The following ZW10 variants were observed in gnomAD, a reference collection of about 807,000 sequenced individuals.
ZW10 encodes zw10 kinetochore protein, also known as centromere/kinetochore protein zw10 homolog.
Under a neutral mutation model 87.8 loss-of-function variants are expected in ZW10, and 53 were observed. The observed-to-expected ratio is 0.60, with a 90% CI of 0.48 to 0.76. The LOEUF (loss-of-function observed/expected upper bound fraction) is 0.76. Among genes scored for constraint, ZW10 ranks in the 30% least tolerant of loss-of-function variants. The pLI is 0.00. For synonymous variants in ZW10, 312 were observed against 329.2 expected, an observed-to-expected ratio of 0.95 and a Z score of 0.57; for missense variants, 837 against 923.0, an observed-to-expected ratio of 0.91 and a Z score of 1.21.
intron 10 of ZW10, among the ~76,000 whole-genome samples, chr11:113,742,461 T>C (rs1023118690): frequency 8.5e-5 from 13 of 152,224 alleles, no homozygotes; most frequent in Admixed American, 1.3e-4. Flanking sequence ...TATTTGATTA[T>C]TATAATACCT....
At chr11:113,770,380 T>G (rs1953951003) in intron 1 of ZW10, 1 of 149,258 alleles carries the variant, frequency 6.7e-6, no homozygotes, top group Non-Finnish European at 1.5e-5. Flanking sequence ...TGAGCCATAG[T>G]GCCCAGCCTA....
chr11:113,757,948 G>A (rs1353161990), intron 6 of ZW10, 95 bp from the exon 7 acceptor site: 12 of 1,019,484 alleles, frequency 1.2e-5, no homozygotes, highest in African/African-American at 5.0e-5. Flanking sequence ...CACTTTGGGA[G>A]GCCGAGGCAG....
rs1450340274 is a variant in ZW10 at position 113,757,753 on chromosome 11, T to C, written c.834A>G (p.Glu278=). Residue 278 remains glutamate, a synonymous_variant, in exon 7 of 16, where the codon GAA becomes GAG. Coordinates refer to ENST00000200135, the MANE Select transcript of ZW10 (RefSeq NM_004724.4). The part of the protein sequence containing the change: ...SQPNIVIIRF[E]SIMTNLEYPS... ...GATATTCCAAGTTAGTCATTATAGA[T>C]TCAAAACGAATAATAACTATGTTAG... 2 of 1,613,840 alleles carry C rather than the reference T, an allele frequency of 1.2e-6. No homozygotes were observed. Among genetic ancestry groups the C allele is most frequent in the East Asian group, 2.2e-5 (1 of 44,860 alleles).
chr11:113,758,664 AAATG>A lies in ZW10; in HGVS notation c.619_622del (p.His207TyrfsTer42), dbSNP rs764437732. 1 of 1,614,120 alleles carries A rather than the reference AAATG, an allele frequency of 6.2e-7. No homozygotes were observed. The highest frequency in any genetic ancestry group is 8.5e-7 in the Non-Finnish European group (1 of 1,180,010). On this transcript the variant is annotated frameshift_variant, in exon 6 of 16. Transcript: ENST00000200135. LOFTEE classifies it high-confidence loss of function. Reference sequence around the variant, plus strand: ...CTCTTTGTGCGATTGTTCAGTGTATAAATGAAGTTCAGTTTGTAGGTAAGATTCC... The same window carrying A: ...CTCTTTGTGCGATTGTTCAGTGTATAAAGTTCAGTTTGTAGGTAAGATTCC...
intron 7 of ZW10, among the ~76,000 whole-genome samples, chr11:113,750,548 C>G (rs753315265): frequency 6.6e-6 from 1 of 152,202 alleles, no homozygotes; most frequent in Non-Finnish European, 1.5e-5. Context: ...AGGTGATCCA[C>G]CTGCCTTGGC....
At chr11:113,746,955 T>C (rs1333660256) in intron 9 of ZW10, among the ~76,000 whole-genome samples, 1 of 151,884 alleles carries the variant, frequency 6.6e-6, no homozygotes, top group Non-Finnish European at 1.5e-5. Context: ...AAGAGTGACA[T>C]AATCAATTGA....
In ZW10 at chr11:113,743,825, C is replaced by G. The variant is rs1278737153; in HGVS notation, c.1488G>C (p.Glu496Asp). The change falls in exon 10 of 16, where the codon GAG (glutamate) becomes GAC (aspartate). Residue 496 changes from glutamate (E) to aspartate (D), a missense_variant. Transcript: ENST00000200135. ...ACCATTGATCACTACTGGTTGTTGC[C>G]TCTAGTAAAGTCTGATAGGCGAGTT... ...LMELAYQTLL[E>D]ATTSSDQCAV... is the part of the protein sequence containing the mutation. 6.2e-7 allele frequency: 1 copy of G among 1,613,990 alleles called. No individual in the cohort carries two copies. The highest frequency in any genetic ancestry group is 8.5e-7 in the Non-Finnish European group (1 of 1,180,002).
intron 15 of ZW10, 33 bp from the exon 16 acceptor site, chr11:113,733,847 T>C: frequency 6.4e-7 from 1 of 1,566,536 alleles, no homozygotes; most frequent in Non-Finnish European, 8.6e-7. Flanking sequence ...CCATTTCCTA[T>C]TAGGTCTCTG....
chr11:113,770,045 C>T lies in ZW10; in HGVS notation c.106-1078G>A, dbSNP rs117039202. Reference sequence around the variant, plus strand: ...GGACTGGTTTGCTTTTTGGCATAAACCTTTTGAATTTTCTTTTTCATTGTT... The same window carrying T: ...GGACTGGTTTGCTTTTTGGCATAAATCTTTTGAATTTTCTTTTTCATTGTT... On this transcript the variant is annotated intron_variant, in intron 1 of 15. Coordinates refer to ENST00000200135, the MANE Select transcript of ZW10 (RefSeq NM_004724.4). The T allele has an allele frequency of 2.4e-5, 4 of 163,582 alleles. No homozygotes were observed. The East Asian group carries it at 5.8e-4, about 24-fold the overall frequency. The allele number at this position is 163,582 out of a possible 1,614,324, so 10.1% of individuals were successfully genotyped here. A position where few individuals can be genotyped will look rare whatever the true frequency, so the allele number is the denominator to read the frequency against.
rs950392449 is a variant in ZW10 at position 113,771,761 on chromosome 11, A to T, written c.105+1801T>A. 4 of 152,142 alleles carry T rather than the reference A, an allele frequency of 2.6e-5. 1 individual carries two copies. The Middle Eastern group carries it at 0.01, about 388-fold the overall frequency. The allele number at this position is 152,142 out of a possible 1,614,324, so 9.4% of individuals were successfully genotyped here. A position where few individuals can be genotyped will look rare whatever the true frequency, so the allele number is the denominator to read the frequency against. On this transcript the variant is annotated intron_variant, in intron 1 of 15. Coordinates refer to ENST00000200135, the MANE Select transcript of ZW10 (RefSeq NM_004724.4). Reference sequence around the variant, plus strand: ...CGGCTCACTGCAACCTCAACCTCCCAGGTTCAAACGATCCTCCTGCCTCAG... The same window carrying T: ...CGGCTCACTGCAACCTCAACCTCCCTGGTTCAAACGATCCTCCTGCCTCAG...
Position 113,760,263 on chromosome 11 carries a change from G to A in ZW10, c.526C>T (p.His176Tyr), listed in dbSNP as rs755407377. Residue 176 changes from histidine to tyrosine, a missense_variant, in exon 5 of 16, where the codon CAC becomes TAC. Coordinates refer to ENST00000200135, the MANE Select transcript of ZW10 (RefSeq NM_004724.4). ...LTIQKQNILY[H>Y]LGEEWQKLIV... is the part of the protein sequence containing the mutation. Reference sequence around the variant, plus strand: ...AGCTTCTGCCACTCTTCTCCAAGGTGATAAAGTATGTTCTGTTTCTGTATT... The same window carrying A: ...AGCTTCTGCCACTCTTCTCCAAGGTAATAAAGTATGTTCTGTTTCTGTATT... 2 of 1,614,132 alleles carry A rather than the reference G, an allele frequency of 1.2e-6. No homozygotes were observed. Among genetic ancestry groups the A allele is most frequent in the African/African-American group, 1.3e-5 (1 of 75,040 alleles).
intron 7 of ZW10, among the ~76,000 whole-genome samples, chr11:113,752,288 A>G (rs940571991): frequency 7.3e-5 from 11 of 151,206 alleles, no homozygotes; most frequent in African/African-American, 2.0e-4. Flanking sequence ...GTGTGTGTGT[A>G]TTTGCCAAAT....
At chr11:113,760,124 A>C (rs1215768191) in intron 5 of ZW10, 85 bp downstream of exon 5, 2 of 1,455,084 alleles carry the variant, frequency 1.4e-6, no homozygotes, top group Non-Finnish European at 1.9e-6. Context: ...ACCCTCATCT[A>C]CTAATACAAA....
chr11:113,733,214 AAAT>A lies in ZW10; in HGVS notation c.*477_*479del, dbSNP rs1469867883. ...GTAAAAAGCAATATTTATTGGAAAG[AAAT>A]ATTACAGGAAGTCTCCTTAATTCCT... On this transcript the variant is annotated 3_prime_UTR_variant, in exon 16 of 16. Coordinates refer to ENST00000200135, the MANE Select transcript of ZW10 (RefSeq NM_004724.4). 12 of 153,286 alleles carry A rather than the reference AAAT, an allele frequency of 7.8e-5. No homozygotes were observed. The highest frequency in any genetic ancestry group is 2.6e-4 in the Admixed American group (4 of 15,440). The allele number at this position is 153,286 out of a possible 1,614,324, so 9.5% of individuals were successfully genotyped here. A position where few individuals can be genotyped will look rare whatever the true frequency, so the allele number is the denominator to read the frequency against.
chr11:113,739,326 TAC>T lies in ZW10; in HGVS notation c.1638_1639del (p.Met546IlefsTer23). On this transcript the variant is annotated frameshift_variant, in exon 12 of 16. Transcript: ENST00000200135. LOFTEE classifies it high-confidence loss of function. ...GAGGGTCAGCAAGTGGTGAGCAATGTACATACAGTTGTTGTGATGAATAGCAG... is the reference window on the plus strand; with the variant it reads ...GAGGGTCAGCAAGTGGTGAGCAATGTATACAGTTGTTGTGATGAATAGCAG... 6.2e-7 allele frequency: 1 copy of T among 1,612,206 alleles called. No individual in the cohort carries two copies.
chr11:113,733,695 T>C lies in ZW10; in HGVS notation c.2339A>G (p.Ter780TrpextTer10), dbSNP rs1225518754. The C allele has an allele frequency of 6.2e-7, 1 of 1,614,064 alleles. No individual in the cohort carries two copies. Among genetic ancestry groups the C allele is most frequent in the Non-Finnish European group, 8.5e-7 (1 of 1,180,008 alleles). ...RRAAALAKIK[*>W] ...CATAGCTTTCTTAAGAAGATGGAGC[T>C]ATTTAATTTTAGCAAGGGCAGCTGC... Residue 780 changes from the stop codon to tryptophan (W), a stop_lost, in exon 16 of 16, where the codon TAG becomes TGG. Coordinates refer to ENST00000200135, the MANE Select transcript of ZW10 (RefSeq NM_004724.4).
intron 2 of ZW10, among the ~76,000 whole-genome samples, chr11:113,767,826 T>C (rs1953924176): frequency 6.6e-6 from 1 of 152,186 alleles, no homozygotes; most frequent in East Asian, 1.9e-4. Flanking sequence ...ACATTTGTCT[T>C]ATGGAATACT....
intron 1 of ZW10, among the ~76,000 whole-genome samples, chr11:113,772,618 G>A (rs1271310333): frequency 1.3e-5 from 2 of 152,106 alleles, no homozygotes; most frequent in Non-Finnish European, 2.9e-5. Context: ...AGGCAGCAAC[G>A]TTTACGTAGG....
At chr11:113,762,496 T>A (rs532431780) in intron 2 of ZW10, among the ~76,000 whole-genome samples, 36 of 152,320 alleles carry the variant, frequency 2.4e-4, no homozygotes, top group Admixed American at 1.4e-3. Context: ...ATTAGCTTAC[T>A]GTAACATTTT....
Sources: gnomAD v4.1 joint callset for allele counts (sites outside exome capture counted in the v4.1 genomes callset) on GRCh38, gnomAD v4.1.1 for gene constraint, MANE v1.5 for transcripts, NCBI Gene and HGNC (gene_info 2026-07-23, HGNC 2026-07-21) for gene names.